ATRNL1: variants seen among roughly 807,000 people sequenced by gnomAD.
ATRNL1 encodes attractin-like protein 1.
A neutral mutation model predicts 182.7 loss-of-function variants in ATRNL1; 95 were observed. That is an observed-to-expected ratio of 0.52 (90% CI 0.44 to 0.62). The LOEUF is 0.62. Ranked by LOEUF, ATRNL1 falls within the 20% of genes least tolerant of loss-of-function variation. ATRNL1 has a pLI of 0.00. For missense variants in ATRNL1, 1,471 were observed against 1,679.5 expected (o/e 0.88, Z 2.17); for synonymous variants, 576 against 568.3 (o/e 1.01, Z -0.19).
intron 26 of ATRNL1, among the ~76,000 whole-genome samples, chr10:115,665,310 T>C (rs1860937298): frequency 6.6e-6 from 1 of 152,106 alleles, no homozygotes; most frequent in Admixed American, 6.6e-5. Context: ...CTCCTCACTT[T>C]CCTAGAAAAA....
intron 26 of ATRNL1, among the ~76,000 whole-genome samples, chr10:115,701,273 C>G (rs574598532): frequency 6.6e-6 from 1 of 151,868 alleles, no homozygotes; most frequent in East Asian, 1.9e-4. Flanking sequence ...AATATAGATA[C>G]AACATACCAA....
chr10:115,571,530 T>A (rs1854396091), intron 26 of ATRNL1, among the ~76,000 whole-genome samples: 1 of 152,186 alleles, frequency 6.6e-6, no homozygotes. Context: ...ACTACTACAT[T>A]GTTGTAAGTA....
intron 28 of ATRNL1, among the ~76,000 whole-genome samples, chr10:115,911,186 T>G (rs930040330): frequency 5.3e-5 from 8 of 151,894 alleles, no homozygotes; most frequent in Non-Finnish European, 1.5e-5. Context: ...TTATAGTAGA[T>G]AGAGGGCTCT....
intron 26 of ATRNL1, among the ~76,000 whole-genome samples, chr10:115,641,184 A>C (rs1209405001): frequency 6.6e-6 from 1 of 152,232 alleles, no homozygotes; most frequent in Non-Finnish European, 1.5e-5. Flanking sequence ...ACAGCAAAAC[A>C]ATAATATAAT....
At chr10:115,393,817 TTAAG>T (rs1844155253) in intron 19 of ATRNL1, among the ~76,000 whole-genome samples, 2 of 152,082 alleles carry the variant, frequency 1.3e-5, no homozygotes, top group Admixed American at 6.6e-5. Flanking sequence ...TTGGACATAA[TTAAG>T]TGTGAGGTTT....
At chr10:115,514,365 T>G (rs1463490506) in intron 24 of ATRNL1, among the ~76,000 whole-genome samples, 11 of 151,778 alleles carry the variant, frequency 7.2e-5, no homozygotes, top group African/African-American at 2.7e-4. Flanking sequence ...ATAGATAATG[T>G]AATTATTTCA....
intron 26 of ATRNL1, among the ~76,000 whole-genome samples, chr10:115,702,099 G>GT (rs566647939): frequency 7.2e-5 from 11 of 152,006 alleles, no homozygotes; most frequent in Non-Finnish European, 1.6e-4. Context: ...TTCCTGGCAT[G>GT]TAAGGTTGGT....
At chr10:115,251,686 G>A (rs1420509028) in intron 10 of ATRNL1, among the ~76,000 whole-genome samples, 8 of 152,154 alleles carry the variant, frequency 5.3e-5, no homozygotes, top group African/African-American at 1.4e-4. Flanking sequence ...ATCACATAGT[G>A]TATTGACTTC....
chr10:115,663,828 A>T (rs1370492805), intron 26 of ATRNL1, among the ~76,000 whole-genome samples: 1 of 151,542 alleles, frequency 6.6e-6, no homozygotes. Context: ...GAGCGTCATG[A>T]ATTTTCTGGT....
chr10:115,942,127 T>C lies in ATRNL1; in HGVS notation c.4019-2531T>C, dbSNP rs868906795. On this transcript the variant is annotated intron_variant, in intron 28 of 28. Coordinates refer to ENST00000355044, the MANE Select transcript of ATRNL1 (RefSeq NM_207303.4). ...ATAAATTTCTCCTTCTCCACAAATC[T>C]CTTCTGTTTTCAAATGTATCCAAGG... Among the ~76,000 whole-genome samples, 14 of 152,324 alleles carry C rather than the reference T, an allele frequency of 9.2e-5. 2 individuals are homozygous for C. The South Asian group carries it at 2.7e-3, about 29-fold the overall frequency.
At chr10:115,370,740 G>T (rs782550147) in intron 19 of ATRNL1, among the ~76,000 whole-genome samples, 5 of 152,164 alleles carry the variant, frequency 3.3e-5, no homozygotes, top group South Asian at 2.1e-4. Context: ...TGATAGAAAA[G>T]AACATCCCAT....
chr10:115,716,209 A>T (rs1168274689), intron 26 of ATRNL1, among the ~76,000 whole-genome samples: 1 of 152,182 alleles, frequency 6.6e-6, no homozygotes, highest in Non-Finnish European at 1.5e-5. Context: ...TAAAAAAATT[A>T]TATTTAGCAG....
chr10:115,857,245 T>C (rs1951211175), intron 28 of ATRNL1, among the ~76,000 whole-genome samples: 2 of 152,142 alleles, frequency 1.3e-5, no homozygotes, highest in Non-Finnish European at 2.9e-5. Context: ...TGATAAAAAA[T>C]AGGCTATTAG....
chr10:115,814,081 A>C (rs1353832632), intron 27 of ATRNL1, among the ~76,000 whole-genome samples: 1 of 152,186 alleles, frequency 6.6e-6, no homozygotes, highest in Non-Finnish European at 1.5e-5. Flanking sequence ...TCGTGTTTAA[A>C]AAATGAGTAA....
chr10:115,103,511 C>T (rs186794700), intron 1 of ATRNL1, among the ~76,000 whole-genome samples: 125 of 151,886 alleles, frequency 8.2e-4, no homozygotes, highest in East Asian at 2.7e-3. Context: ...TTTGTGGTTA[C>T]GTTATAGGTG....
chr10:115,763,092 T>C (rs772208144), intron 27 of ATRNL1, among the ~76,000 whole-genome samples: 14 of 152,172 alleles, frequency 9.2e-5, no homozygotes, highest in Non-Finnish European at 1.6e-4. Flanking sequence ...CTCAGATTCT[T>C]ATCAGTGAGT....
intron 25 of ATRNL1, among the ~76,000 whole-genome samples, chr10:115,535,398 A>G (rs1851912666): frequency 2.0e-5 from 3 of 150,918 alleles, no homozygotes; most frequent in Non-Finnish European, 3.0e-5. Context: ...AGTTGATCGC[A>G]TCGGCTCCTG....
intron 18 of ATRNL1, among the ~76,000 whole-genome samples, chr10:115,325,116 C>T (rs1008830444): frequency 6.6e-6 from 1 of 152,146 alleles, no homozygotes; most frequent in African/African-American, 2.4e-5. Context: ...ATTTGCATAT[C>T]AAATGCTGAG....
At chr10:115,288,800 G>A (rs1852754970) in intron 15 of ATRNL1, among the ~76,000 whole-genome samples, 1 of 152,146 alleles carries the variant, frequency 6.6e-6, no homozygotes, top group African/African-American at 2.4e-5. Flanking sequence ...GGGATTACAG[G>A]CATGAGCCAC....
Sources: gnomAD v4.1 joint callset for allele counts (sites outside exome capture counted in the v4.1 genomes callset) on GRCh38, gnomAD v4.1.1 for gene constraint, MANE v1.5 for transcripts, NCBI Gene and HGNC (gene_info 2026-07-23, HGNC 2026-07-21) for gene names.